Variants in DEPDC5 observed in about 807,000 individuals in gnomAD.
The protein encoded by DEPDC5 is GATOR1 complex protein DEPDC5.
Under a neutral mutation model 217.3 loss-of-function variants are expected in DEPDC5, and 73 were observed. The ratio of observed to expected loss-of-function variants is 0.34; its 90% CI spans 0.28 to 0.41. The LOEUF is 0.41. Among genes scored for constraint, DEPDC5 ranks in the 10% least tolerant of loss-of-function variants. The pLI is 1.00. For synonymous variants in DEPDC5, 733 were observed against 756.7 expected (o/e 0.97, Z 0.51); for missense variants, 1,675 against 2,070.1 (o/e 0.81, Z 3.70).
chr22:31,814,962 G>A, intron 20 of DEPDC5, 30 bp from the exon 21 acceptor site: 1 of 1,612,974 alleles, frequency 6.2e-7, no homozygotes, highest in Non-Finnish European at 8.5e-7. Flanking sequence ...TCCCTCGCTT[G>A]ATGGTAACTT....
chr22:31,815,028 T>TA lies in DEPDC5; in HGVS notation c.1482_1483insA (p.Ala495SerfsTer5). ...AGCGAGAGAGTCACAGTCGAAAGAG[T>TA]GCCAGCTCCTGTGATGTTTCATCCA... On this transcript the variant is annotated frameshift_variant, in exon 21 of 43. Coordinates refer to ENST00000651528, the MANE Select transcript of DEPDC5 (RefSeq NM_001242896.3). LOFTEE classifies it high-confidence loss of function. 1 of 1,614,020 alleles carries TA rather than the reference T, an allele frequency of 6.2e-7. No individual in the cohort carries two copies. The highest frequency in any genetic ancestry group is 8.5e-7 in the Non-Finnish European group (1 of 1,179,978).
intron 20 of DEPDC5, among the ~76,000 whole-genome samples, chr22:31,812,168 T>C (rs1161818466): frequency 1.3e-5 from 2 of 151,816 alleles, no homozygotes; most frequent in Admixed American, 6.6e-5. Flanking sequence ...TTTATATTTT[T>C]TAGTAGAGAC....
At chr22:31,899,224 A>G (rs2093606184) in intron 40 of DEPDC5, among the ~76,000 whole-genome samples, 1 of 152,160 alleles carries the variant, frequency 6.6e-6, no homozygotes, top group Admixed American at 6.5e-5. Flanking sequence ...GTTTAAAGCA[A>G]TAAGGATTTG....
intron 33 of DEPDC5, among the ~76,000 whole-genome samples, chr22:31,864,520 ATATATTTATATATT>A (rs888301441): frequency 1.7e-4 from 23 of 133,346 alleles, no homozygotes; most frequent in African/African-American, 6.7e-4. Flanking sequence ...ATATATATAT[ATATATTTATATATT>A]TATTTATTTA....
At chr22:31,814,922 G>A in intron 20 of DEPDC5, 70 bp from the exon 21 acceptor site, 1 of 1,572,396 alleles carries the variant, frequency 6.4e-7, no homozygotes, top group Non-Finnish European at 8.7e-7. Flanking sequence ...CTGGTGATGG[G>A]TTTTAGTTTT....
Position 31,893,062 on chromosome 22 carries a change from G to A in DEPDC5, c.4034-520G>A, listed in dbSNP as rs1242949020. On this transcript the variant is annotated intron_variant, in intron 38 of 42. Coordinates refer to ENST00000651528, the MANE Select transcript of DEPDC5 (RefSeq NM_001242896.3). Reference sequence around the variant, plus strand: ...AGCTAATTTTTGTATTTTTAGTAGAGATGGGGTTTCACCATGTTGGCCAGG... The same window carrying A: ...AGCTAATTTTTGTATTTTTAGTAGAAATGGGGTTTCACCATGTTGGCCAGG... Among the ~76,000 whole-genome samples the A allele has an allele frequency of 3.9e-5, 6 of 152,142 alleles. No homozygotes were observed. In the East Asian group the frequency reaches 1.2e-3, roughly 30 times the overall value.
chr22:31,778,688 G>T (rs2084127998), intron 8 of DEPDC5, among the ~76,000 whole-genome samples: 1 of 152,076 alleles, frequency 6.6e-6, no homozygotes, highest in African/African-American at 2.4e-5. Flanking sequence ...ATTATGCCAT[G>T]CCCACTCATA....
chr22:31,843,953 C>A, intron 29 of DEPDC5, 141 bp downstream of exon 29: 1 of 988,452 alleles, frequency 1.0e-6, no homozygotes, highest in Non-Finnish European at 1.4e-6. Flanking sequence ...TGACTGGGCG[C>A]GGTGGCTCAT....
intron 3 of DEPDC5, 33 bp downstream of exon 3, chr22:31,758,666 A>G (rs1328758051): frequency 3.1e-6 from 5 of 1,589,618 alleles, no homozygotes; most frequent in Non-Finnish European, 8.6e-7. Flanking sequence ...GGAACTGGGC[A>G]ATTCACTGTT....
intron 9 of DEPDC5, 176 bp from the exon 10 acceptor site, chr22:31,784,638 A>T: frequency 1.4e-4 from 63 of 454,562 alleles, no homozygotes; most frequent in Non-Finnish European, 1.8e-4. Flanking sequence ...AAAAAAAAAG[A>T]TGTACAAAAT....
intron 7 of DEPDC5, among the ~76,000 whole-genome samples, chr22:31,771,079 C>T (rs182219853): frequency 7.5e-4 from 114 of 152,238 alleles, no homozygotes; most frequent in South Asian, 1.9e-3. Flanking sequence ...CCACCGCACG[C>T]GGCCCCCATC....
At chr22:31,803,459 G>A (rs910800245) in intron 15 of DEPDC5, among the ~76,000 whole-genome samples, 9 of 152,000 alleles carry the variant, frequency 5.9e-5, no homozygotes, top group Admixed American at 2.6e-4. Flanking sequence ...TGATCCGCCC[G>A]TCTTGGCCTC....
At chr22:31,859,081 T>TTG in intron 32 of DEPDC5, 1 of 92,192 alleles carries the variant, frequency 1.1e-5, no homozygotes, top group Non-Finnish European at 2.1e-5. Flanking sequence ...ATTCCTTTGT[T>TTG]TTTTTTTTTT....
chr22:31,797,050 C>G (rs2148566645), intron 12 of DEPDC5, among the ~76,000 whole-genome samples: 1 of 148,808 alleles, frequency 6.7e-6, no homozygotes, highest in Non-Finnish European at 1.5e-5. Flanking sequence ...GAAAAACAAG[C>G]TCACTGAATC....
At chr22:31,889,566 TCC>T (rs2093395020) in intron 38 of DEPDC5, among the ~76,000 whole-genome samples, 1 of 139,260 alleles carries the variant, frequency 7.2e-6, no homozygotes, top group Non-Finnish European at 1.5e-5. Context: ...TTTTTTTTTT[TCC>T]AGACAGAGTC....
intron 4 of DEPDC5, 21 bp downstream of exon 4, chr22:31,760,723 C>T: frequency 6.3e-7 from 1 of 1,588,478 alleles, no homozygotes; most frequent in Non-Finnish European, 8.6e-7. Flanking sequence ...TATCACTCTT[C>T]TTAGAATTTT....
chr22:31,799,663 G>A (rs767554138), intron 14 of DEPDC5, among the ~76,000 whole-genome samples: 16 of 150,842 alleles, frequency 1.1e-4, no homozygotes, highest in Non-Finnish European at 1.5e-4. Context: ...CACCATGCCC[G>A]GCTAATTTTT....
chr22:31,906,109 CTT>C lies in DEPDC5; in HGVS notation c.4519+45_4519+46del. 1.2e-6 allele frequency: 2 copies of C among 1,613,718 alleles called. No individual in the cohort carries two copies. The highest frequency in any genetic ancestry group is 1.7e-6 in the Non-Finnish European group (2 of 1,179,786). On this transcript the variant is annotated intron_variant, in intron 42 of 42. Coordinates refer to ENST00000651528, the MANE Select transcript of DEPDC5 (RefSeq NM_001242896.3). This position sits in a 1 kb window ranked among gnomAD's most constrained non-coding sequence, Gnocchi z 5.1. ...GAGTTGGGCAGGTGGGTCCACATCC[CTT>C]TCCTTGCACCAAGCCTATGGCTGCA...
chr22:31,861,417 C>A lies in DEPDC5; in HGVS notation c.3314C>A (p.Ser1105Tyr). The part of the protein sequence containing the change: ...EFVRSPRTAS[S>Y]AFYPQVSVDQ... Reference sequence around the variant, plus strand: ...GTCCGCAGCCCACGCACAGCATCGTCCGCCTTCTACCCTCAGGTTAGTCCA... The same window carrying A: ...GTCCGCAGCCCACGCACAGCATCGTACGCCTTCTACCCTCAGGTTAGTCCA... The change falls in exon 33 of 43, where the codon TCC (serine) becomes TAC (tyrosine). Residue 1105 changes from serine to tyrosine, a missense_variant. Coordinates refer to ENST00000651528, the MANE Select transcript of DEPDC5 (RefSeq NM_001242896.3). 6.4e-7 allele frequency: 1 copy of A among 1,551,636 alleles called. No individual in the cohort carries two copies. Among genetic ancestry groups the A allele is most frequent in the Non-Finnish European group, 8.7e-7 (1 of 1,146,984 alleles).
Sources: gnomAD v4.1 joint callset for allele counts (sites outside exome capture counted in the v4.1 genomes callset) on GRCh38, gnomAD v4.1.1 for gene constraint, Gnocchi (gnomAD v3.1) non-coding constraint, MANE v1.5 for transcripts, NCBI Gene and HGNC (gene_info 2026-07-23, HGNC 2026-07-21) for gene names.